The following CUBN variants were observed in gnomAD, a reference collection of about 807,000 sequenced individuals.
CUBN encodes 460 kDa receptor.
CUBN carries 282 observed loss-of-function variants against 405.3 expected under a neutral mutation model. That is an observed-to-expected ratio of 0.70 (90% CI 0.63 to 0.77). The LOEUF (loss-of-function observed/expected upper bound fraction) is 0.77. Ranked by LOEUF, CUBN falls within the 30% of genes least tolerant of loss-of-function variation. CUBN has a pLI of 0.00. For synonymous variants in CUBN, 1,684 were observed against 1,617.0 expected, an observed-to-expected ratio of 1.04 and a Z score of -0.99; for missense variants, 4,514 against 4,475.2, an observed-to-expected ratio of 1.01 and a Z score of -0.25.
rs751798288 is a variant in CUBN, at chr10:16,928,235, T to G, written c.6193A>C (p.Thr2065Pro). Residue 2065 changes from threonine (T) to proline (P), a missense_variant, in exon 41 of 67, where the codon ACT becomes CCT. Transcript: ENST00000377833. ...AAGCGGATGAACATGTACTCTCCAG[T>G]AGACCGGATGGGCCCAGGGATCTCT... Reference protein sequence around the residue: ...GREIPGPIRSTGEYMFIRFTS... With the variant: ...GREIPGPIRSPGEYMFIRFTS... 12 of 1,613,840 alleles carry G rather than the reference T, an allele frequency of 7.4e-6. No homozygotes were observed. The highest frequency in any genetic ancestry group is 9.3e-6 in the Non-Finnish European group (11 of 1,179,886).
chr10:17,121,868 G>A (rs1213084200), intron 6 of CUBN: 1 of 152,134 alleles, frequency 6.6e-6, no homozygotes, highest in Non-Finnish European at 1.5e-5. Context: ...TTCTACTCCA[G>A]AGCATTGAAA....
chr10:17,124,489 C>T (rs7079579), intron 4 of CUBN, among the ~76,000 whole-genome samples: 2,898 of 147,146 alleles, frequency 0.02, 101 homozygotes, highest in African/African-American at 0.067. Flanking sequence ...AGTGCAGTGG[C>T]GCGATCTCCG....
chr10:17,127,003 T>G (rs1038453329), intron 3 of CUBN, among the ~76,000 whole-genome samples: 1 of 152,086 alleles, frequency 6.6e-6, no homozygotes, highest in South Asian at 2.1e-4. Flanking sequence ...ATTTCTGGGG[T>G]TTTTTTAAGT....
intron 54 of CUBN, among the ~76,000 whole-genome samples, chr10:16,893,601 T>G (rs1459481475): frequency 1.3e-5 from 2 of 152,226 alleles, no homozygotes; most frequent in East Asian, 3.9e-4. Context: ...TTCAAAATAT[T>G]ATATAAATGG....
intron 64 of CUBN, among the ~76,000 whole-genome samples, chr10:16,834,743 C>T (rs746354172): frequency 1.3e-5 from 2 of 152,152 alleles, no homozygotes; most frequent in Non-Finnish European, 2.9e-5. Context: ...ATGCTGGACT[C>T]AGTTAGTCCT....
In CUBN at chr10:17,104,407, T is replaced by A. The variant is rs902328495; in HGVS notation, c.1417+12A>T. The stretch of plus-strand genomic sequence containing the variant: ...CTGTGAGCATCCGTGGCATAAGAAA[T>A]GCTGACTGTACCTTGCTGAGGAACC... On this transcript the variant is annotated intron_variant, in intron 12 of 66. Coordinates refer to ENST00000377833, the MANE Select transcript of CUBN (RefSeq NM_001081.4). 2 of 1,613,634 alleles carry A rather than the reference T, an allele frequency of 1.2e-6. No homozygotes were observed. Among genetic ancestry groups the A allele is most frequent in the African/African-American group, 2.7e-5 (2 of 74,900 alleles).
intron 60 of CUBN, among the ~76,000 whole-genome samples, chr10:16,848,341 A>C (rs1839580284): frequency 6.6e-6 from 1 of 152,214 alleles, no homozygotes; most frequent in Non-Finnish European, 1.5e-5. Context: ...TTTTAAGAAA[A>C]AGAAATTCCA....
chr10:17,025,338 T>C (rs1422218460), intron 27 of CUBN, among the ~76,000 whole-genome samples: 1 of 152,240 alleles, frequency 6.6e-6, no homozygotes, highest in Non-Finnish European at 1.5e-5. Context: ...TATTGTAGAA[T>C]GTACTTGACT....
At chr10:16,945,260 G>T (rs760383378) in intron 36 of CUBN, among the ~76,000 whole-genome samples, 34 of 152,060 alleles carry the variant, frequency 2.2e-4, no homozygotes, top group Non-Finnish European at 4.0e-4. Context: ...CTGTGCGAAG[G>T]GCTTTGGATT....
intron 17 of CUBN, among the ~76,000 whole-genome samples, chr10:17,077,439 G>C (rs1342612499): frequency 6.6e-6 from 1 of 152,134 alleles, no homozygotes; most frequent in African/African-American, 2.4e-5. Flanking sequence ...TTAACATCTG[G>C]AATGAGTCAA....
intron 28 of CUBN, among the ~76,000 whole-genome samples, chr10:17,006,354 TCTC>T (rs1460678145): frequency 6.6e-6 from 1 of 152,192 alleles, no homozygotes. Context: ...CAGCAGATCT[TCTC>T]CTAGAGCCCA....
intron 22 of CUBN, among the ~76,000 whole-genome samples, chr10:17,063,867 A>C (rs1835554881): frequency 6.6e-6 from 1 of 152,234 alleles, no homozygotes; most frequent in African/African-American, 2.4e-5. Context: ...AAGATTACCA[A>C]ATCCAATTCC....
chr10:16,912,369 G>T (rs1841757720), intron 48 of CUBN, among the ~76,000 whole-genome samples: 1 of 152,140 alleles, frequency 6.6e-6, no homozygotes, highest in Non-Finnish European at 1.5e-5. Flanking sequence ...TTATGTACAG[G>T]CACTGGGGAT....
chr10:16,988,509 A>G (rs1833491898), intron 29 of CUBN, among the ~76,000 whole-genome samples: 1 of 152,222 alleles, frequency 6.6e-6, no homozygotes, highest in South Asian at 2.1e-4. Context: ...ACAGTAAATG[A>G]AATCAGAGAT....
intron 28 of CUBN, among the ~76,000 whole-genome samples, chr10:17,004,674 C>CT (rs10637688): frequency 0.012 from 1,650 of 141,084 alleles, 26 homozygotes; most frequent in African/African-American, 0.02. Flanking sequence ...CTAAATAGCT[C>CT]TTTTTTTTTT....
chr10:17,091,012 A>C (rs567443898), intron 14 of CUBN, among the ~76,000 whole-genome samples: 3 of 152,170 alleles, frequency 2.0e-5, no homozygotes, highest in Non-Finnish European at 4.4e-5. Flanking sequence ...CCAGATTGTG[A>C]GATCTAAATA....
chr10:16,892,026 A>G (rs866958066), intron 54 of CUBN, among the ~76,000 whole-genome samples: 2 of 152,262 alleles, frequency 1.3e-5, no homozygotes, highest in Non-Finnish European at 1.5e-5. Context: ...TTCCAAACAC[A>G]TCTCTTCTCA....
At chr10:16,954,246 AC>A in intron 32 of CUBN, 142 bp downstream of exon 32, 1 of 979,544 alleles carries the variant, frequency 1.0e-6, no homozygotes, top group Non-Finnish European at 1.6e-6. Context: ...ATTGTAAGTC[AC>A]AGTTCTTTTG....
intron 24 of CUBN, 46 bp from the exon 25 acceptor site, chr10:17,045,234 G>T (rs769521040): frequency 1.9e-6 from 3 of 1,585,940 alleles, no homozygotes; most frequent in Admixed American, 3.4e-5. Flanking sequence ...TTCCTTCTGG[G>T]GAAATTGAAT....
Sources: allele counts gnomAD v4.1 joint callset (sites outside exome capture counted in the v4.1 genomes callset), GRCh38; gene constraint gnomAD v4.1.1; transcripts MANE v1.5; gene names NCBI Gene and HGNC (gene_info 2026-07-23, HGNC 2026-07-21).